NELL1: variants seen among roughly 807,000 people sequenced by gnomAD.
NELL1 encodes neural EGFL like 1, also known as protein kinase C-binding protein NELL1.
A neutral mutation model predicts 107.4 loss-of-function variants in NELL1; 76 were observed. The observed-to-expected ratio is 0.71, with a 90% CI of 0.59 to 0.86. The LOEUF (loss-of-function observed/expected upper bound fraction) is 0.86, where lower values mean the gene tolerates loss of function less well. Among genes scored for constraint, NELL1 ranks in the 40% least tolerant of loss-of-function variants. The pLI, the probability that NELL1 is intolerant of heterozygous loss-of-function variation, is 0.00. For synonymous variants in NELL1, 353 were observed against 341.2 expected (o/e 1.03, Z -0.38); for missense variants, 1,024 against 1,005.5 (o/e 1.02, Z -0.25).
chr11:21,113,218 C>G (rs931289564), intron 12 of NELL1, among the ~76,000 whole-genome samples: 1 of 151,984 alleles, frequency 6.6e-6, no homozygotes, highest in Non-Finnish European at 1.5e-5. Context: ...CTGATAAAAG[C>G]TATACCATGT....
At chr11:20,800,179 G>A (rs1422897928) in intron 3 of NELL1, among the ~76,000 whole-genome samples, 1 of 152,196 alleles carries the variant, frequency 6.6e-6, no homozygotes, top group Non-Finnish European at 1.5e-5. Flanking sequence ...ACTAGTGTAT[G>A]TGTCCTTTCG....
At chr11:21,337,837 T>TTTTCTTTC (rs1555006223) in intron 14 of NELL1, among the ~76,000 whole-genome samples, 3,771 of 86,314 alleles carry the variant, frequency 0.044, 96 homozygotes, top group East Asian at 0.06. Context: ...TCTTTCTTTC[T>TTTTCTTTC]TTTCTTTCTT....
At chr11:20,800,668 C>T (rs2134001729) in intron 3 of NELL1, among the ~76,000 whole-genome samples, 1 of 152,214 alleles carries the variant, frequency 6.6e-6, no homozygotes, top group East Asian at 1.9e-4. Context: ...AATAGCCTCT[C>T]CTGAGAGGTG....
intron 14 of NELL1, among the ~76,000 whole-genome samples, chr11:21,266,287 A>C (rs1017828164): frequency 2.0e-5 from 3 of 151,828 alleles, no homozygotes; most frequent in Non-Finnish European, 4.4e-5. Flanking sequence ...TAAAATGTTC[A>C]CTTGTGTGTT....
At chr11:20,981,415 T>A (rs986223828) in intron 12 of NELL1, among the ~76,000 whole-genome samples, 1 of 152,124 alleles carries the variant, frequency 6.6e-6, no homozygotes, top group Admixed American at 6.6e-5. Flanking sequence ...GGAGATGATA[T>A]GATGGCAAAA....
At chr11:20,889,239 G>A (rs1011020553) in intron 5 of NELL1, among the ~76,000 whole-genome samples, 1 of 152,186 alleles carries the variant, frequency 6.6e-6, no homozygotes, top group East Asian at 1.9e-4. Flanking sequence ...CTTAAAAATA[G>A]CCAGTGACAA....
At chr11:21,548,215 A>C (rs537848666) in intron 16 of NELL1, among the ~76,000 whole-genome samples, 1 of 152,040 alleles carries the variant, frequency 6.6e-6, no homozygotes, top group Non-Finnish European at 1.5e-5. Context: ...TACTCCAATA[A>C]ATTGTAATGG....
At chr11:21,308,977 A>G (rs902171368) in intron 14 of NELL1, among the ~76,000 whole-genome samples, 2 of 151,808 alleles carry the variant, frequency 1.3e-5, no homozygotes, top group Non-Finnish European at 2.9e-5. Flanking sequence ...GGGTGGTGTT[A>G]ACTTTCAGCT....
chr11:21,574,863 C>A, intron 19 of NELL1, 109 bp from the exon 20 acceptor site: 1 of 864,162 alleles, frequency 1.2e-6, no homozygotes, highest in Non-Finnish European at 1.9e-6. Flanking sequence ...TTATAGCCTT[C>A]TTGAAGTTTG....
At chr11:21,415,530 G>A (rs1852496011) in intron 15 of NELL1, among the ~76,000 whole-genome samples, 1 of 151,916 alleles carries the variant, frequency 6.6e-6, no homozygotes, top group South Asian at 2.1e-4. Context: ...ATAGATCATT[G>A]TTTCTTGTGT....
chr11:20,780,745 G>A (rs1490614806), intron 2 of NELL1, among the ~76,000 whole-genome samples: 2 of 152,182 alleles, frequency 1.3e-5, no homozygotes, highest in Non-Finnish European at 2.9e-5. Flanking sequence ...TGCATTTACA[G>A]TGAAAGCTGA....
intron 5 of NELL1, among the ~76,000 whole-genome samples, chr11:20,900,055 G>C (rs1316615304): frequency 1.3e-5 from 2 of 152,138 alleles, no homozygotes; most frequent in Non-Finnish European, 2.9e-5. Context: ...TTAGCAATTT[G>C]AGCTGGGCTT....
chr11:21,053,366 C>T lies in NELL1; in HGVS notation c.1301-60223C>T, dbSNP rs531902386. Among the ~76,000 whole-genome samples the T allele has an allele frequency of 1.1e-4, 17 of 152,110 alleles. No individual in the cohort carries two copies. In the South Asian group the frequency reaches 2.5e-3, roughly 22 times the overall value. On this transcript the variant is annotated intron_variant, in intron 12 of 19. Coordinates refer to ENST00000357134, the MANE Select transcript of NELL1 (RefSeq NM_006157.5). ...ACTCCCACTTATAAGTGAGAACATG[C>T]GGTGTTTGGTTTTCTGTTCTTGTGT...
chr11:21,326,677 T>A (rs1028330866), intron 14 of NELL1, among the ~76,000 whole-genome samples: 3 of 152,088 alleles, frequency 2.0e-5, no homozygotes, highest in Non-Finnish European at 2.9e-5. Context: ...GGTGGTAATG[T>A]CCCTCAGTTT....
intron 2 of NELL1, among the ~76,000 whole-genome samples, chr11:20,766,874 C>G (rs1268120151): frequency 6.6e-6 from 1 of 152,016 alleles, no homozygotes; most frequent in Non-Finnish European, 1.5e-5. Context: ...TCCCAAGTAG[C>G]TGGGATTACA....
intron 2 of NELL1, among the ~76,000 whole-genome samples, chr11:20,740,557 C>A (rs1234186841): frequency 6.6e-6 from 1 of 152,130 alleles, no homozygotes; most frequent in East Asian, 1.9e-4. Context: ...AGGAATCCTT[C>A]CCTCCTTGAT....
At chr11:21,076,719 G>A (rs187291612) in intron 12 of NELL1, among the ~76,000 whole-genome samples, 133 of 152,266 alleles carry the variant, frequency 8.7e-4, no homozygotes, top group African/African-American at 1.3e-3. Context: ...GGCAGATAGC[G>A]CATGAATGCC....
At chr11:21,004,481 A>G (rs541776903) in intron 12 of NELL1, among the ~76,000 whole-genome samples, 21 of 152,304 alleles carry the variant, frequency 1.4e-4, no homozygotes, top group Middle Eastern at 3.4e-3. Context: ...CAGAGAAGCC[A>G]TATTTAATGT....
At chr11:21,166,874 T>C (rs1444910429) in intron 13 of NELL1, among the ~76,000 whole-genome samples, 10 of 151,900 alleles carry the variant, frequency 6.6e-5, no homozygotes, top group Non-Finnish European at 1.5e-4. Context: ...CAATGACATT[T>C]AGAGTAATTC....
Sources: allele counts gnomAD v4.1 joint callset (sites outside exome capture counted in the v4.1 genomes callset), GRCh38; gene constraint gnomAD v4.1.1; transcripts MANE v1.5; gene names NCBI Gene and HGNC (gene_info 2026-07-23, HGNC 2026-07-21).